The following SNX29 variants were observed in gnomAD, a reference collection of about 807,000 sequenced individuals.
SNX29 encodes sorting nexin 29.
In SNX29, 78 loss-of-function variants were observed where a neutral mutation model predicts 102.1. The observed-to-expected ratio is 0.76, with a 90% CI of 0.64 to 0.92. The LOEUF is 0.92. SNX29 is among the 40% of genes least tolerant of loss of function. SNX29 has a pLI of 0.00. For missense variants in SNX29, 1,280 were observed against 1,061.7 expected, an observed-to-expected ratio of 1.21 and a Z score of -2.86; for synonymous variants, 580 against 414.5, an observed-to-expected ratio of 1.40 and a Z score of -4.85.
chr16:12,525,995 C>T (rs1050605413), intron 20 of SNX29, among the ~76,000 whole-genome samples: 3 of 152,200 alleles, frequency 2.0e-5, no homozygotes, highest in Non-Finnish European at 2.9e-5. Context: ...CCAAAACCAT[C>T]AAGCCCGACT....
intron 14 of SNX29, among the ~76,000 whole-genome samples, chr16:12,218,038 T>C (rs1425721134): frequency 1.3e-5 from 2 of 152,228 alleles, no homozygotes; most frequent in African/African-American, 4.8e-5. Context: ...GTTCCAATTA[T>C]GACAGTTGAC....
rs2150963744 is a variant in SNX29 at position 11,983,695 on chromosome 16, G to C, written c.7+6882G>C. The C allele has an allele frequency of 3.0e-6, 3 of 985,318 alleles. No individual in the cohort carries two copies. The East Asian group carries it at 3.4e-4, about 112-fold the overall frequency. 61.0% of individuals were successfully genotyped at this position (985,318 alleles called of 1,614,324 possible). ...ACTGATGTTGGCTATCTTGCCTCCT[G>C]GTTGCTTGACTCCAGGTAACTGATA... On this transcript the variant is annotated intron_variant, in intron 1 of 20. Transcript: ENST00000566228.
intron 14 of SNX29, among the ~76,000 whole-genome samples, chr16:12,257,450 AGCATCTTTGGGGCATGG>A (rs1429748157): frequency 5.9e-5 from 9 of 152,084 alleles, no homozygotes; most frequent in Non-Finnish European, 1.0e-4. Context: ...ACATATTCAC[AGCATCTTTGGGGCATGG>A]GCATCTTTGG....
At chr16:12,115,519 G>A (rs1022116442) in intron 11 of SNX29, among the ~76,000 whole-genome samples, 1 of 151,712 alleles carries the variant, frequency 6.6e-6, no homozygotes, top group Non-Finnish European at 1.5e-5. Flanking sequence ...GTGTGTGTGT[G>A]TGTGGTGCTG....
chr16:12,358,227 C>T (rs759851970), intron 16 of SNX29, among the ~76,000 whole-genome samples: 2 of 152,156 alleles, frequency 1.3e-5, no homozygotes, highest in Non-Finnish European at 2.9e-5. Flanking sequence ...CCTGCTGACG[C>T]TTTTACATCC....
chr16:12,563,216 A>C (rs1485190774), intron 20 of SNX29, among the ~76,000 whole-genome samples: 5 of 151,976 alleles, frequency 3.3e-5, no homozygotes, highest in African/African-American at 1.2e-4. Flanking sequence ...ATTGAGGCTC[A>C]TACCCTGAAA....
chr16:12,522,217 G>C (rs776841719), intron 19 of SNX29, among the ~76,000 whole-genome samples: 5 of 152,182 alleles, frequency 3.3e-5, no homozygotes, highest in Non-Finnish European at 7.4e-5. Flanking sequence ...GCATGGAAAG[G>C]TTTCGTTGTA....
At chr16:12,565,176 A>C (rs1013126223) in intron 20 of SNX29, among the ~76,000 whole-genome samples, 2 of 152,000 alleles carry the variant, frequency 1.3e-5, no homozygotes, top group Admixed American at 6.5e-5. Context: ...AGTCCTACCC[A>C]ACCCCCCACC....
In SNX29 at chr16:12,314,871, C is replaced by T. The variant is rs78281214; in HGVS notation, c.1782+36835C>T. 1.4e-4 allele frequency among the ~76,000 whole-genome samples: 22 copies of T among 152,270 alleles called. 1 individual carries two copies. The East Asian group carries it at 3.9e-3, about 27-fold the overall frequency. ...TTTGGTGGCTAAAACATGACACACA[C>T]GATGTTATTCTGTCTCCTACCGGGA... On this transcript the variant is annotated intron_variant, in intron 15 of 20. Coordinates refer to ENST00000566228, the MANE Select transcript of SNX29 (RefSeq NM_032167.5).
chr16:12,218,156 G>C (rs539431035), intron 14 of SNX29, among the ~76,000 whole-genome samples: 1 of 152,332 alleles, frequency 6.6e-6, no homozygotes, highest in South Asian at 2.1e-4. Context: ...ACTGGAGCTT[G>C]TACTTCATAC....
At chr16:12,458,368 A>G (rs2086626763) in intron 18 of SNX29, among the ~76,000 whole-genome samples, 1 of 152,162 alleles carries the variant, frequency 6.6e-6, no homozygotes, top group Non-Finnish European at 1.5e-5. Context: ...GAGAAACCAG[A>G]CGGAAACCTT....
At chr16:12,513,978 G>A (rs2089750681) in intron 19 of SNX29, among the ~76,000 whole-genome samples, 2 of 152,128 alleles carry the variant, frequency 1.3e-5, no homozygotes, top group South Asian at 4.2e-4. Flanking sequence ...CTCAGGCCTG[G>A]GTGCTGGGAG....
At chr16:12,533,242 G>T (rs1483110223) in intron 20 of SNX29, among the ~76,000 whole-genome samples, 1 of 152,258 alleles carries the variant, frequency 6.6e-6, no homozygotes, top group Non-Finnish European at 1.5e-5. Flanking sequence ...CCAAAGGGCA[G>T]CTGATTCTCC....
chr16:12,535,702 C>T (rs2077056680), intron 20 of SNX29, among the ~76,000 whole-genome samples: 1 of 152,110 alleles, frequency 6.6e-6, no homozygotes, highest in South Asian at 2.1e-4. Context: ...AACTGTGGGT[C>T]CTCTGTGCCC....
At chr16:12,016,633 C>T (rs930753203) in intron 3 of SNX29, among the ~76,000 whole-genome samples, 2 of 152,092 alleles carry the variant, frequency 1.3e-5, no homozygotes, top group African/African-American at 4.8e-5. Context: ...GTAGTTGTGT[C>T]TTATTGTGGT....
chr16:12,401,359 A>ATTT lies in SNX29; in HGVS notation c.1956-2068_1956-2066dup, dbSNP rs35886680. 9.2e-3 allele frequency among the ~76,000 whole-genome samples: 936 copies of ATTT among 101,386 alleles called. 11 individuals carry two copies. Among genetic ancestry groups the ATTT allele is most frequent in the Non-Finnish European group, 0.012 (632 of 51,976 alleles). The allele number at this position is 101,386 out of a possible 152,430, so 66.5% of individuals were successfully genotyped here. A position where few individuals can be genotyped will look rare whatever the true frequency, so the allele number is the denominator to read the frequency against. ...TCTTCCTTGACCACAATAGAGTTAA[A>ATTT]TTTTTTTTTTTTTTTTTTTTTTTGA... On this transcript the variant is annotated intron_variant, in intron 17 of 20. Transcript: ENST00000566228.
chr16:12,423,726 A>C (rs1203740151), intron 18 of SNX29, among the ~76,000 whole-genome samples: 2 of 152,030 alleles, frequency 1.3e-5, no homozygotes, highest in Non-Finnish European at 2.9e-5. Context: ...GCGCACCACC[A>C]AGCCTGGCTA....
chr16:12,410,600 A>G (rs911187236), intron 18 of SNX29, among the ~76,000 whole-genome samples: 1 of 152,054 alleles, frequency 6.6e-6, no homozygotes, highest in Admixed American at 6.6e-5. Flanking sequence ...CATGTACCAC[A>G]ATGCCCATAT....
At chr16:12,404,066 C>T (rs751207496) in intron 18 of SNX29, among the ~76,000 whole-genome samples, 1 of 152,156 alleles carries the variant, frequency 6.6e-6, no homozygotes, top group African/African-American at 2.4e-5. Flanking sequence ...TGGCCTGATT[C>T]AGCTCATGTG....
Sources: allele counts gnomAD v4.1 joint callset (sites outside exome capture counted in the v4.1 genomes callset), GRCh38; gene constraint gnomAD v4.1.1; transcripts MANE v1.5; gene names NCBI Gene and HGNC (gene_info 2026-07-23, HGNC 2026-07-21).